The following ULK4 variants were observed in gnomAD, a reference collection of about 807,000 sequenced individuals.
ULK4 encodes inactive serine/threonine-protein kinase ULK4.
Under a neutral mutation model 160.6 loss-of-function variants are expected in ULK4, and 133 were observed. The ratio of observed to expected loss-of-function variants is 0.83; its 90% CI spans 0.72 to 0.96. ULK4 has a LOEUF of 0.96. ULK4 is among the 40% of genes least tolerant of loss of function. The pLI, the probability that ULK4 is intolerant of heterozygous loss-of-function variation, is 0.00. For missense variants in ULK4, 1,580 were observed against 1,499.5 expected (o/e 1.05, Z -0.89); for synonymous variants, 534 against 539.8 (o/e 0.99, Z 0.15).
chr3:41,268,380 A>G (rs888773166), intron 35 of ULK4, among the ~76,000 whole-genome samples: 2 of 152,136 alleles, frequency 1.3e-5, no homozygotes, highest in African/African-American at 2.4e-5. Context: ...CTTCCAACAC[A>G]TAATACTCTT....
intron 29 of ULK4, among the ~76,000 whole-genome samples, chr3:41,671,706 C>CA (rs2035543967): frequency 6.6e-6 from 1 of 151,950 alleles, no homozygotes; most frequent in African/African-American, 2.4e-5. Flanking sequence ...GCAACATAAA[C>CA]AAAAATAGAC....
chr3:41,320,420 G>A (rs767866450), intron 35 of ULK4, among the ~76,000 whole-genome samples: 1 of 152,182 alleles, frequency 6.6e-6, no homozygotes, highest in East Asian at 1.9e-4. Flanking sequence ...ATAACAAGGA[G>A]AGTAGTTGCA....
intron 35 of ULK4, among the ~76,000 whole-genome samples, chr3:41,392,029 T>C (rs1436076760): frequency 2.0e-5 from 3 of 152,074 alleles, no homozygotes; most frequent in Admixed American, 1.3e-4. Context: ...AACAAATCTG[T>C]GGTGGTTCAT....
At chr3:41,638,713 A>C (rs2034058090) in intron 30 of ULK4, among the ~76,000 whole-genome samples, 1 of 152,246 alleles carries the variant, frequency 6.6e-6, no homozygotes, top group Non-Finnish European at 1.5e-5. Context: ...TATTCTGGCC[A>C]ATAACTGTCA....
chr3:41,673,334 T>A (rs2035599530), intron 29 of ULK4, among the ~76,000 whole-genome samples: 1 of 152,084 alleles, frequency 6.6e-6, no homozygotes, highest in Admixed American at 6.6e-5. Flanking sequence ...AATCAGGTAG[T>A]CAAACGCACG....
intron 35 of ULK4, among the ~76,000 whole-genome samples, chr3:41,368,484 A>T (rs192179977): frequency 1.3e-5 from 2 of 152,342 alleles, no homozygotes; most frequent in African/African-American, 4.8e-5. Context: ...TACCTTCATC[A>T]TTCCCAAAAT....
At chr3:41,732,499 G>A (rs1317879439) in intron 22 of ULK4, among the ~76,000 whole-genome samples, 1 of 152,038 alleles carries the variant, frequency 6.6e-6, no homozygotes, top group Non-Finnish European at 1.5e-5. Context: ...GAAGAAAGGG[G>A]AGTTCTTATA....
chr3:41,643,302 T>C (rs1299503991), intron 30 of ULK4, among the ~76,000 whole-genome samples: 5 of 152,178 alleles, frequency 3.3e-5, no homozygotes, highest in Admixed American at 1.3e-4. Context: ...CTAGGTTTTC[T>C]TCTACGGTTT....
At chr3:41,248,972 G>A (rs558065845) in intron 36 of ULK4, among the ~76,000 whole-genome samples, 1 of 152,202 alleles carries the variant, frequency 6.6e-6, no homozygotes, top group Non-Finnish European at 1.5e-5. Context: ...TGTCAAATAC[G>A]CAGTTCTGTG....
intron 35 of ULK4, among the ~76,000 whole-genome samples, chr3:41,382,885 C>T (rs2081699900): frequency 1.3e-5 from 2 of 151,932 alleles, no homozygotes; most frequent in Admixed American, 1.3e-4. Flanking sequence ...AGATATATTC[C>T]TATGAACATA....
chr3:41,289,885 G>GTA (rs1559506884), intron 35 of ULK4, among the ~76,000 whole-genome samples: 15 of 151,746 alleles, frequency 9.9e-5, no homozygotes, highest in African/African-American at 3.6e-4. Flanking sequence ...GTGTGTGTGT[G>GTA]TGTATGTGTG....
chr3:41,263,791 G>A (rs72861969), intron 35 of ULK4, among the ~76,000 whole-genome samples: 3,514 of 152,240 alleles, frequency 0.023, 133 homozygotes, highest in African/African-American at 0.08. Flanking sequence ...CACATGAAAA[G>A]CTCTTTTGGC....
chr3:41,594,261 G>A (rs972445187), intron 31 of ULK4, among the ~76,000 whole-genome samples: 1 of 152,190 alleles, frequency 6.6e-6, no homozygotes, highest in African/African-American at 2.4e-5. Context: ...TATGGGCTGG[G>A]CACGGCAGCT....
chr3:41,577,876 C>G (rs141402749), intron 31 of ULK4, among the ~76,000 whole-genome samples: 2 of 152,154 alleles, frequency 1.3e-5, no homozygotes, highest in Non-Finnish European at 2.9e-5. Context: ...AGAAGAGATT[C>G]AAGGATGTAA....
intron 35 of ULK4, among the ~76,000 whole-genome samples, chr3:41,319,982 T>TA (rs1443814326): frequency 1.3e-5 from 2 of 152,230 alleles, no homozygotes; most frequent in Non-Finnish European, 2.9e-5. Context: ...TCTCATAACT[T>TA]AAAGTTCAGT....
chr3:41,835,203 C>G (rs2041718436), intron 18 of ULK4, among the ~76,000 whole-genome samples: 3 of 152,262 alleles, frequency 2.0e-5, no homozygotes, highest in South Asian at 2.1e-4. Flanking sequence ...GAGTGAGACC[C>G]TGTCTCAAAA....
At chr3:41,935,209 A>ATTTATTTTTTTTTTTT (rs1559660879) in intron 4 of ULK4, among the ~76,000 whole-genome samples, 10 of 135,542 alleles carry the variant, frequency 7.4e-5, no homozygotes, top group African/African-American at 2.0e-4. Context: ...TTATTTATTT[A>ATTTATTTTTTTTTTTT]TTTTTTTTTT....
intron 31 of ULK4, among the ~76,000 whole-genome samples, chr3:41,574,507 C>T (rs2088113434): frequency 1.3e-5 from 2 of 150,536 alleles, no homozygotes; most frequent in Non-Finnish European, 2.9e-5. Flanking sequence ...CCAGCTTCAC[C>T]TCCACTACTG....
intron 22 of ULK4, among the ~76,000 whole-genome samples, chr3:41,751,251 G>A (rs1428573344): frequency 6.6e-6 from 1 of 152,168 alleles, no homozygotes; most frequent in Non-Finnish European, 1.5e-5. Flanking sequence ...CTTACAGACA[G>A]GGACAGATTG....
Sources: allele counts gnomAD v4.1 joint callset (sites outside exome capture counted in the v4.1 genomes callset), GRCh38; gene constraint gnomAD v4.1.1; transcripts MANE v1.5; gene names NCBI Gene and HGNC (gene_info 2026-07-23, HGNC 2026-07-21).